CSGALNACT1: variants seen among roughly 807,000 people sequenced by gnomAD.
CSGALNACT1 encodes the protein beta4GalNAcT-1.
Under a neutral mutation model 51.0 loss-of-function variants are expected in CSGALNACT1, and 52 were observed. That is an observed-to-expected ratio of 1.02 (90% CI 0.82 to 1.29). The LOEUF is 1.29. Ranked by LOEUF, CSGALNACT1 falls within the 50% of genes most tolerant of loss-of-function variation. CSGALNACT1 has a pLI of 0.00. For synonymous variants in CSGALNACT1, 341 were observed against 254.4 expected (o/e 1.34, Z -3.24); for missense variants, 935 against 679.2 (o/e 1.38, Z -4.19).
chr8:19,506,875 T>C (rs1252415171), intron 3 of CSGALNACT1, among the ~76,000 whole-genome samples: 1 of 152,212 alleles, frequency 6.6e-6, no homozygotes, highest in Non-Finnish European at 1.5e-5. Context: ...GTGAGCCAGA[T>C]AAACCTCTTT....
At chr8:19,535,311 A>G (rs1563941662) in intron 3 of CSGALNACT1, among the ~76,000 whole-genome samples, 1 of 152,222 alleles carries the variant, frequency 6.6e-6, no homozygotes, top group African/African-American at 2.4e-5. Flanking sequence ...AGGATTCATC[A>G]TCCAAGATGT....
intron 6 of CSGALNACT1, among the ~76,000 whole-genome samples, chr8:19,425,862 A>G (rs1178435947): frequency 6.6e-6 from 1 of 152,096 alleles, no homozygotes. Context: ...TACTCCTGCG[A>G]ACATCACTCG....
chr8:19,479,587 T>C (rs2070769532), intron 4 of CSGALNACT1, among the ~76,000 whole-genome samples: 1 of 152,182 alleles, frequency 6.6e-6, no homozygotes, highest in African/African-American at 2.4e-5. Flanking sequence ...TTGGGGGAAT[T>C]GTGATGCCAC....
rs1159962282 is a variant in CSGALNACT1, at chr8:19,666,943, AAAAGAAAG to A, written c.-544+15522_-544+15529del. 2.7e-3 allele frequency among the ~76,000 whole-genome samples: 215 copies of A among 79,456 alleles called. 6 individuals are homozygous for A. The highest frequency in any genetic ancestry group is 4.5e-3 in the African/African-American group (96 of 21,330). 52.1% of individuals were successfully genotyped at this position (79,456 alleles called of 152,430 possible). A position where few individuals can be genotyped will look rare whatever the true frequency, so the allele number is the denominator to read the frequency against. On this transcript the variant is annotated intron_variant, in intron 1 of 9. Transcript: ENST00000332246. ...GAAGGGAGAGACAGAGAGAGAGAGA[AAAAGAAAG>A]AAAGAAAGAAAGAAAGAAAGAAAGA...
intron 1 of CSGALNACT1, among the ~76,000 whole-genome samples, chr8:19,667,627 A>G (rs1373651710): frequency 1.3e-5 from 2 of 152,110 alleles, no homozygotes; most frequent in African/African-American, 2.4e-5. Context: ...ATGACCACAA[A>G]ACGGCAGTAA....
chr8:19,447,493 C>T (rs1452719887), intron 5 of CSGALNACT1, among the ~76,000 whole-genome samples: 4 of 152,110 alleles, frequency 2.6e-5, no homozygotes, highest in Non-Finnish European at 5.9e-5. Flanking sequence ...GATAACTCAT[C>T]CTAAAGAAGT....
intron 4 of CSGALNACT1, among the ~76,000 whole-genome samples, chr8:19,502,345 G>T (rs758342510): frequency 6.6e-6 from 1 of 152,194 alleles, no homozygotes; most frequent in Non-Finnish European, 1.5e-5. Flanking sequence ...CTTGTTGGTG[G>T]ATTAGGAAAC....
At chr8:19,587,158 G>C (rs981989575) in intron 3 of CSGALNACT1, among the ~76,000 whole-genome samples, 2 of 152,108 alleles carry the variant, frequency 1.3e-5, no homozygotes, top group Non-Finnish European at 2.9e-5. Context: ...TCCATTCACA[G>C]ACTCATTACG....
intron 7 of CSGALNACT1, among the ~76,000 whole-genome samples, chr8:19,420,025 A>G (rs1389313124): frequency 1.3e-5 from 2 of 152,144 alleles, no homozygotes; most frequent in Non-Finnish European, 1.5e-5. Flanking sequence ...CCTTACACAC[A>G]CTGTCTCGCC....
upstream of CSGALNACT1, among the ~76,000 whole-genome samples, chr8:19,603,844 TAG>T (rs1380003660): frequency 6.6e-6 from 1 of 152,172 alleles, no homozygotes; most frequent in African/African-American, 2.4e-5. Context: ...TGAAAACAAA[TAG>T]ACTGTCAGCT....
intron 1 of CSGALNACT1, among the ~76,000 whole-genome samples, chr8:19,750,366 C>T (rs999923261): frequency 2.6e-5 from 4 of 152,068 alleles, no homozygotes; most frequent in African/African-American, 7.2e-5. Flanking sequence ...TGATCACACT[C>T]GGCCTTGGAT....
intron 1 of CSGALNACT1, among the ~76,000 whole-genome samples, chr8:19,637,354 A>G (rs1280668307): frequency 6.6e-6 from 1 of 152,230 alleles, no homozygotes; most frequent in Non-Finnish European, 1.5e-5. Context: ...TTTAGTAATC[A>G]CAGCAATCAT....
At chr8:19,501,840 T>C (rs2076479238) in intron 4 of CSGALNACT1, among the ~76,000 whole-genome samples, 1 of 152,176 alleles carries the variant, frequency 6.6e-6, no homozygotes, top group South Asian at 2.1e-4. Context: ...TTCTGTGTAC[T>C]TGAGACAAAC....
At chr8:19,468,385 C>T (rs1271839057) in intron 4 of CSGALNACT1, among the ~76,000 whole-genome samples, 3 of 152,082 alleles carry the variant, frequency 2.0e-5, no homozygotes, top group East Asian at 3.9e-4. Flanking sequence ...CGACGTGGAG[C>T]GGGACGAGGG....
chr8:19,622,229 G>A (rs1031690018), intron 1 of CSGALNACT1, among the ~76,000 whole-genome samples: 6 of 152,174 alleles, frequency 3.9e-5, no homozygotes, highest in African/African-American at 1.2e-4. Context: ...TGTTGAACTT[G>A]ACTAAACACG....
In CSGALNACT1 at chr8:19,501,696, G is replaced by C. The variant is rs141528594; in HGVS notation, c.634+3505C>G. 4.9e-3 allele frequency among the ~76,000 whole-genome samples: 743 copies of C among 152,324 alleles called. 4 individuals carry two copies. The highest frequency in any genetic ancestry group is 0.017 in the Middle Eastern group (5 of 294). On this transcript the variant is annotated intron_variant, in intron 4 of 9. Coordinates refer to ENST00000454498, the Ensembl canonical transcript of CSGALNACT1. Reference sequence around the variant, plus strand: ...TTCGGAAAGCTAATTTGTTTGATGGGATGATGTCAAACTTATGTCCAAGGG... The same window carrying C: ...TTCGGAAAGCTAATTTGTTTGATGGCATGATGTCAAACTTATGTCCAAGGG...
intron 3 of CSGALNACT1, among the ~76,000 whole-genome samples, chr8:19,589,228 C>T (rs1005579957): frequency 1.3e-5 from 2 of 152,196 alleles, no homozygotes; most frequent in African/African-American, 4.8e-5. Context: ...ACATCCTCTC[C>T]TCTGAAAACG....
intron 1 of CSGALNACT1, among the ~76,000 whole-genome samples, chr8:19,736,014 A>G (rs564978274): frequency 3.3e-4 from 51 of 152,354 alleles, no homozygotes; most frequent in African/African-American, 1.1e-3. Flanking sequence ...ATCTGCATGT[A>G]AAAATAATAT....
intron 4 of CSGALNACT1, among the ~76,000 whole-genome samples, chr8:19,497,853 A>G (rs976600989): frequency 5.3e-5 from 8 of 152,124 alleles, no homozygotes; most frequent in Non-Finnish European, 8.8e-5. Context: ...TGGAGAGGCT[A>G]ATCAGAAACT....
Sources: allele counts gnomAD v4.1 joint callset (sites outside exome capture counted in the v4.1 genomes callset), GRCh38; gene constraint gnomAD v4.1.1; transcripts MANE v1.5; gene names NCBI Gene and HGNC (gene_info 2026-07-23, HGNC 2026-07-21).